The following GABRB1 variants were observed in gnomAD, a reference collection of about 807,000 sequenced individuals.
GABRB1 encodes gamma-aminobutyric acid receptor subunit beta-1.
Under a neutral mutation model 51.6 loss-of-function variants are expected in GABRB1, and 17 were observed. That is an observed-to-expected ratio of 0.33 (90% CI 0.23 to 0.49). The LOEUF is 0.49. Ranked by LOEUF, GABRB1 falls within the 20% of genes least tolerant of loss-of-function variation. GABRB1 has a pLI of 0.99. For synonymous variants in GABRB1, 247 were observed against 218.9 expected, an observed-to-expected ratio of 1.13 and a Z score of -1.14; for missense variants, 410 against 600.6, an observed-to-expected ratio of 0.68 and a Z score of 3.32.
intron 5 of GABRB1, among the ~76,000 whole-genome samples, chr4:47,374,565 C>T (rs188879214): frequency 3.4e-3 from 516 of 152,258 alleles, no homozygotes; most frequent in Non-Finnish European, 4.9e-3. Flanking sequence ...CCATTTGAAG[C>T]CCTCCTGATT....
chr4:47,197,711 G>A (rs1192064212), intron 4 of GABRB1, among the ~76,000 whole-genome samples: 1 of 152,166 alleles, frequency 6.6e-6, no homozygotes, highest in Non-Finnish European at 1.5e-5. Flanking sequence ...CTAAGCGCTA[G>A]CTTAGTGCCA....
chr4:47,054,243 CA>C (rs1678997037), intron 3 of GABRB1, among the ~76,000 whole-genome samples: 1 of 151,850 alleles, frequency 6.6e-6, no homozygotes, highest in Non-Finnish European at 1.5e-5. Flanking sequence ...CTTGAACACT[CA>C]AAAAGAGAGA....
At position 47,261,774 on chromosome 4, in the gene GABRB1, G is replaced by A. The variant is rs200631312; in HGVS notation, c.462-58353G>A. On this transcript the variant is annotated intron_variant, in intron 4 of 8. Transcript: ENST00000295454. ...AAAAGAACAAAGCTGGAGGCATCAC[G>A]CTACCTGACTTCAAACTATACTACA... is the stretch of plus-strand genomic sequence containing the variant. Among the ~76,000 whole-genome samples the A allele has an allele frequency of 3.9e-4, 59 of 152,160 alleles. No individual in the cohort carries two copies. In the East Asian group the frequency reaches 6.6e-3, roughly 17 times the overall value.
chr4:47,032,043 T>A, intron 2 of GABRB1, 38 bp downstream of exon 2: 1 of 1,465,484 alleles, frequency 6.8e-7, no homozygotes, highest in South Asian at 1.2e-5. Context: ...AACCCATCCT[T>A]AGTTCTCCTT....
chr4:47,246,384 AT>A (rs1721760493), intron 4 of GABRB1, among the ~76,000 whole-genome samples: 2 of 59,638 alleles, frequency 3.4e-5, no homozygotes, highest in African/African-American at 1.6e-4. Flanking sequence ...ATATATATAT[AT>A]ATATATATAT....
intron 4 of GABRB1, among the ~76,000 whole-genome samples, chr4:47,205,641 T>C (rs1720086357): frequency 1.3e-5 from 2 of 152,268 alleles, no homozygotes; most frequent in South Asian, 4.1e-4. Context: ...TGAAGTTTAG[T>C]TCAACAGCTA....
chr4:47,258,214 A>C (rs930845533), intron 4 of GABRB1, among the ~76,000 whole-genome samples: 2 of 152,164 alleles, frequency 1.3e-5, no homozygotes, highest in African/African-American at 4.8e-5. Flanking sequence ...TAAAGTACAT[A>C]AAATCATCAG....
chr4:47,172,235 C>A (rs187116250), intron 4 of GABRB1, among the ~76,000 whole-genome samples: 33 of 152,242 alleles, frequency 2.2e-4, no homozygotes, highest in Admixed American at 2.0e-3. Flanking sequence ...ATACAATAAA[C>A]ATATTTTTAA....
At chr4:47,056,735 T>G (rs141710237) in intron 3 of GABRB1, among the ~76,000 whole-genome samples, 1 of 152,128 alleles carries the variant, frequency 6.6e-6, no homozygotes, top group Non-Finnish European at 1.5e-5. Context: ...TTACCAAATC[T>G]TCACTGGATG....
intron 3 of GABRB1, among the ~76,000 whole-genome samples, chr4:47,150,349 T>TAC (rs764596416): frequency 3.3e-4 from 37 of 112,906 alleles, no homozygotes; most frequent in East Asian, 2.0e-3. Context: ...CACACGCACA[T>TAC]ACACACACAC....
intron 3 of GABRB1, among the ~76,000 whole-genome samples, chr4:47,138,434 A>G (rs576832546): frequency 6.6e-6 from 1 of 152,150 alleles, no homozygotes; most frequent in South Asian, 2.1e-4. Context: ...TGCAGTTCTG[A>G]TGGGGGCTGA....
intron 4 of GABRB1, among the ~76,000 whole-genome samples, chr4:47,275,934 A>C (rs1360141237): frequency 1.3e-5 from 2 of 152,138 alleles, no homozygotes; most frequent in African/African-American, 4.8e-5. Context: ...CAGGCTTTGG[A>C]TATCCTGTGA....
intron 3 of GABRB1, among the ~76,000 whole-genome samples, chr4:47,141,662 C>T (rs754320254): frequency 1.3e-5 from 2 of 151,916 alleles, no homozygotes; most frequent in Non-Finnish European, 2.9e-5. Flanking sequence ...AAACATTTCT[C>T]AGAAACACTT....
chr4:47,026,417 A>G (rs1291840857), intron 1 of GABRB1, among the ~76,000 whole-genome samples: 1 of 152,068 alleles, frequency 6.6e-6, no homozygotes, highest in Non-Finnish European at 1.5e-5. Flanking sequence ...ATAAAAGAAG[A>G]TAAAAATTAT....
chr4:47,248,640 T>A (rs1029829828), intron 4 of GABRB1, among the ~76,000 whole-genome samples: 8 of 151,168 alleles, frequency 5.3e-5, no homozygotes, highest in African/African-American at 1.9e-4. Flanking sequence ...GGTCCTAGAC[T>A]TTTTTTTTGT....
At chr4:47,062,717 A>G (rs1726894220) in intron 3 of GABRB1, among the ~76,000 whole-genome samples, 1 of 152,190 alleles carries the variant, frequency 6.6e-6, no homozygotes, top group Non-Finnish European at 1.5e-5. Flanking sequence ...GTGCTCTTGT[A>G]ATAAACAAGG....
chr4:47,037,550 G>GTTTTT (rs1266111690), intron 3 of GABRB1, among the ~76,000 whole-genome samples: 1 of 21,754 alleles, frequency 4.6e-5, no homozygotes, highest in African/African-American at 6.2e-5. Flanking sequence ...TGTTGTTGTT[G>GTTTTT]TTTTTTGTTT....
At chr4:47,149,197 A>T (rs1318594433) in intron 3 of GABRB1, among the ~76,000 whole-genome samples, 3 of 152,086 alleles carry the variant, frequency 2.0e-5, no homozygotes, top group Non-Finnish European at 4.4e-5. Context: ...ATACAGTTAA[A>T]TGTTCAGAAA....
At chr4:47,119,213 T>TG (rs1430846770) in intron 3 of GABRB1, among the ~76,000 whole-genome samples, 1 of 152,158 alleles carries the variant, frequency 6.6e-6, no homozygotes, top group Non-Finnish European at 1.5e-5. Context: ...TAAAATGTGC[T>TG]GGGAATCAAT....
Sources: allele counts gnomAD v4.1 joint callset (sites outside exome capture counted in the v4.1 genomes callset), GRCh38; gene constraint gnomAD v4.1.1; transcripts MANE v1.5; gene names NCBI Gene and HGNC (gene_info 2026-07-23, HGNC 2026-07-21).